Variants in HDGFL3 observed in about 807,000 individuals in gnomAD.
HDGFL3 encodes hepatoma-derived growth factor-related protein 3.
In HDGFL3, 6 loss-of-function variants were observed where a neutral mutation model predicts 27.6. The observed-to-expected ratio is 0.22, with a 90% CI of 0.12 to 0.43. HDGFL3 has a LOEUF of 0.43. Ranked by LOEUF, HDGFL3 falls within the 20% of genes least tolerant of loss-of-function variation. The probability of loss-of-function intolerance (pLI) is 1.00; values close to 1 mark genes in which losing one functional copy is unlikely to be tolerated. For synonymous variants in HDGFL3, 88 were observed against 88.9 expected, an observed-to-expected ratio of 0.99 and a Z score of 0.05; for missense variants, 207 against 250.1, an observed-to-expected ratio of 0.83 and a Z score of 1.16.
At chr15:83,165,295 G>A (rs1399519092) in intron 1 of HDGFL3, among the ~76,000 whole-genome samples, 1 of 152,194 alleles carries the variant, frequency 6.6e-6, no homozygotes, top group Non-Finnish European at 1.5e-5. Flanking sequence ...TATTGGCTGT[G>A]TGATCTTGGG....
At chr15:83,121,611 G>C (rs1208774890) in intron 3 of HDGFL3, among the ~76,000 whole-genome samples, 2 of 152,096 alleles carry the variant, frequency 1.3e-5, no homozygotes, top group Non-Finnish European at 2.9e-5. Context: ...CTTTCATGCT[G>C]TTGAGTTTCA....
chr15:83,207,440 C>T lies in HDGFL3; in HGVS notation c.-26G>A. ...CCCAGCCGCTCCCCTTCCTGGTAGTCCTTGGTCGCCGCGAAGATGCCGGGA... is the reference window on the plus strand; with the variant it reads ...CCCAGCCGCTCCCCTTCCTGGTAGTTCTTGGTCGCCGCGAAGATGCCGGGA... On this transcript the variant is annotated 5_prime_UTR_variant, in exon 1 of 6. Transcript: ENST00000299633. The surrounding 1 kb of genome is among the most constrained non-coding windows in gnomAD (Gnocchi z 4.8). The T allele has an allele frequency of 7.8e-7, 1 of 1,282,176 alleles. No individual in the cohort carries two copies. Among genetic ancestry groups the T allele is most frequent in the Non-Finnish European group, 9.9e-7 (1 of 1,005,884 alleles). 79.4% of individuals were successfully genotyped at this position (1,282,176 alleles called of 1,614,324 possible).
At chr15:83,181,189 C>T (rs1280521368) in intron 1 of HDGFL3, among the ~76,000 whole-genome samples, 1 of 151,904 alleles carries the variant, frequency 6.6e-6, no homozygotes, top group African/African-American at 2.4e-5. Flanking sequence ...CATGATATAC[C>T]TAGAACTTAG....
intron 4 of HDGFL3, among the ~76,000 whole-genome samples, chr15:83,156,040 G>A (rs1471058559): frequency 6.6e-6 from 1 of 152,128 alleles, no homozygotes; most frequent in Non-Finnish European, 1.5e-5. Flanking sequence ...GTTAGATTTG[G>A]AATAAAATCC....
At chr15:83,187,887 C>CAA (rs748482520) in intron 1 of HDGFL3, among the ~76,000 whole-genome samples, 1,640 of 75,274 alleles carry the variant, frequency 0.022, 29 homozygotes, top group Non-Finnish European at 0.033. Flanking sequence ...AACTCTGTCT[C>CAA]AAAAAAAAAA....
chr15:83,141,421 G>C (rs955969537), intron 5 of HDGFL3, among the ~76,000 whole-genome samples: 2 of 152,154 alleles, frequency 1.3e-5, no homozygotes, highest in Admixed American at 1.3e-4. Flanking sequence ...ATGAAGGAAT[G>C]ATAATATTCA....
rs895331938 is a variant in HDGFL3 at position 83,120,919 on chromosome 15, C to A, written c.394-5178G>T. Among the ~76,000 whole-genome samples, 104 of 150,060 alleles carry A rather than the reference C, an allele frequency of 6.9e-4. 1 individual carries two copies. The highest frequency in any genetic ancestry group is 2.4e-3 in the African/African-American group (97 of 40,812). On this transcript the variant is annotated intron_variant, in intron 3 of 3. Coordinates refer to the HDGFL3 transcript ENST00000568294. ...TATAATCCCAGTCATTATGAATGGG[C>A]CTCTTGGGGTCTGGTTACATTTGGC...
chr15:83,191,783 A>T (rs560956173), intron 1 of HDGFL3, among the ~76,000 whole-genome samples: 2 of 152,224 alleles, frequency 1.3e-5, no homozygotes, highest in South Asian at 2.1e-4. Flanking sequence ...TATATCCTAG[A>T]CTGATACCAG....
In HDGFL3 at chr15:83,193,150, C is replaced by T. The variant is rs146555986; in HGVS notation, c.84+14181G>A. On this transcript the variant is annotated intron_variant, in intron 1 of 5. Coordinates refer to ENST00000299633, the MANE Select transcript of HDGFL3 (RefSeq NM_016073.4). ...AAAATCAAGAGTAAAAAAAAGCAAT[C>T]CGTGCAATGGGAGAAAATTATTTGC... 3.9e-5 allele frequency among the ~76,000 whole-genome samples: 6 copies of T among 152,226 alleles called. No individual in the cohort carries two copies. In the East Asian group the frequency reaches 1.2e-3, roughly 29 times the overall value.
intron 2 of HDGFL3, among the ~76,000 whole-genome samples, chr15:83,160,845 T>A (rs2037093478): frequency 1.3e-5 from 2 of 152,172 alleles, no homozygotes; most frequent in South Asian, 4.1e-4. Context: ...TCATTAAAAC[T>A]CCTGGGTAAG....
In HDGFL3 at chr15:83,151,223, T is replaced by G; in HGVS notation, c.598A>C (p.Ser200Arg). ...TATAAGCACATCCTTACCCCTTCAC[T>G]GGTTTTCTGCAAGTCTGAAGTTGTG... The part of the protein sequence containing the change: ...RNTTSDLQKT[S>R]EGT The change falls in exon 5 of 6, where the codon AGT becomes CGT. Residue 200 changes from serine to arginine, a missense_variant. Transcript: ENST00000299633. 2.5e-6 allele frequency: 4 copies of G among 1,612,330 alleles called. No homozygotes were observed. The highest frequency in any genetic ancestry group is 3.4e-6 in the Non-Finnish European group (4 of 1,179,714).
chr15:83,168,371 G>C (rs1481531791), intron 1 of HDGFL3, among the ~76,000 whole-genome samples: 1 of 152,148 alleles, frequency 6.6e-6, no homozygotes, highest in Non-Finnish European at 1.5e-5. Flanking sequence ...CCAAAAGCTG[G>C]TTCTTTGAAA....
intron 5 of HDGFL3, 23 bp from the exon 6 acceptor site, chr15:83,139,298 G>GA: frequency 7.5e-7 from 1 of 1,328,912 alleles, no homozygotes; most frequent in Middle Eastern, 2.0e-4. Flanking sequence ...AAAAAAGAAA[G>GA]AAAACAAGCC....
chr15:83,163,113 T>G (rs945719268), intron 2 of HDGFL3, among the ~76,000 whole-genome samples: 2 of 152,194 alleles, frequency 1.3e-5, no homozygotes, highest in South Asian at 4.1e-4. Flanking sequence ...TGATGTACAG[T>G]AAGTCCACAC....
In HDGFL3 at chr15:83,203,491, G is replaced by C. The variant is rs115675374; in HGVS notation, c.84+3840C>G. Among the ~76,000 whole-genome samples the C allele has an allele frequency of 8.5e-3, 1,286 of 151,868 alleles. 16 individuals are homozygous for C. The highest frequency in any genetic ancestry group is 0.029 in the African/African-American group (1,208 of 41,424). On this transcript the variant is annotated intron_variant, in intron 1 of 5. Transcript: ENST00000299633. ...TGAACTAGCTCTCACCAAATGAACAGGTGGCTAAAAAAAAGAAAGATTCCT... is the reference window on the plus strand; with the variant it reads ...TGAACTAGCTCTCACCAAATGAACACGTGGCTAAAAAAAAGAAAGATTCCT...
chr15:83,157,160 C>G (rs979504473), intron 4 of HDGFL3, among the ~76,000 whole-genome samples: 3 of 152,142 alleles, frequency 2.0e-5, no homozygotes, highest in Non-Finnish European at 4.4e-5. Flanking sequence ...ATATCCTTAA[C>G]TAAAGAACAG....
At chr15:83,124,923 G>A (rs1482576876), downstream of HDGFL3, 8 of 687,806 alleles carry the variant, frequency 1.2e-5, no homozygotes, top group Non-Finnish European at 1.9e-5. Context: ...TGGAGCCCTG[G>A]ACCTGCTTCC....
chr15:83,133,124 G>A lies in HDGFL3; in HGVS notation c.*6146C>T, dbSNP rs1212162045. 6.6e-6 allele frequency: 1 copy of A among 152,196 alleles called. No individual in the cohort carries two copies. Among genetic ancestry groups the A allele is most frequent in the Non-Finnish European group, 1.5e-5 (1 of 68,044 alleles). 9.4% of individuals were successfully genotyped at this position (152,196 alleles called of 1,614,324 possible). The stretch of plus-strand genomic sequence containing the variant: ...TTCCACACCTCACCCGAGGCCATAC[G>A]GCTGGTTTGTGGTGGAGCTGTGATT... On this transcript the variant is annotated 3_prime_UTR_variant, in exon 6 of 6. Coordinates refer to ENST00000299633, the MANE Select transcript of HDGFL3 (RefSeq NM_016073.4).
downstream of HDGFL3, among the ~76,000 whole-genome samples, chr15:83,123,311 C>T (rs1429205489): frequency 6.6e-6 from 1 of 152,188 alleles, no homozygotes; most frequent in Non-Finnish European, 1.5e-5. Flanking sequence ...CACAGCCATA[C>T]AATCTTGACT....
Sources: allele counts gnomAD v4.1 joint callset (sites outside exome capture counted in the v4.1 genomes callset), GRCh38; gene constraint gnomAD v4.1.1; non-coding constraint Gnocchi (gnomAD v3.1); transcripts MANE v1.5; gene names NCBI Gene and HGNC (gene_info 2026-07-23, HGNC 2026-07-21).